ILDR2: variants seen among roughly 807,000 people sequenced by gnomAD.
ILDR2 encodes the protein immunoglobulin like domain containing receptor 2.
A neutral mutation model predicts 66.8 loss-of-function variants in ILDR2; 25 were observed. That is an observed-to-expected ratio of 0.37 (90% CI 0.27 to 0.52). The LOEUF (loss-of-function observed/expected upper bound fraction) is 0.52, where lower values mean the gene tolerates loss of function less well. ILDR2 is among the 20% of genes least tolerant of loss of function. The pLI, the probability that ILDR2 is intolerant of heterozygous loss-of-function variation, is 0.88. For missense variants in ILDR2, 827 were observed against 876.8 expected (o/e 0.94, Z 0.72); for synonymous variants, 367 against 357.2 (o/e 1.03, Z -0.31).
Position 166,975,206 on chromosome 1 carries a change from T to C in ILDR2, c.46+17A>G. On this transcript the variant is annotated intron_variant, in intron 1 of 9. Coordinates refer to ENST00000271417, the MANE Select transcript of ILDR2 (RefSeq NM_199351.3). ...GAATATACAAAGTTATTCGTTTCTGTTGAAAAGGACTCTTACCTGTTAGCC... is the reference window on the plus strand; with the variant it reads ...GAATATACAAAGTTATTCGTTTCTGCTGAAAAGGACTCTTACCTGTTAGCC... The C allele has an allele frequency of 6.2e-7, 1 of 1,601,706 alleles. No homozygotes were observed. Among genetic ancestry groups the C allele is most frequent in the Non-Finnish European group, 8.6e-7 (1 of 1,169,068 alleles).
intron 9 of ILDR2, 37 bp from the exon 10 acceptor site, chr1:166,919,427 A>T (rs749006481): frequency 2.2e-5 from 35 of 1,581,694 alleles, no homozygotes; most frequent in Non-Finnish European, 2.9e-5. Flanking sequence ...ATTAAGCCAC[A>T]TGCTAGTTAA....
chr1:166,935,228 T>C (rs1050491584), intron 6 of ILDR2, 73 bp downstream of exon 6: 26 of 1,453,316 alleles, frequency 1.8e-5, no homozygotes, highest in Middle Eastern at 1.8e-4. Flanking sequence ...CTGAACTGAC[T>C]GTTCTTAACA....
rs1351619889 is a variant in ILDR2, at chr1:166,914,946, G to T, written c.*4409C>A. On this transcript the variant is annotated 3_prime_UTR_variant, in exon 10 of 10. Transcript: ENST00000271417. ...AACTTTAGGTAAGACCAAAGTGGGAGTGCTATTGGCCAGTCATCCTTATGA... is the reference window on the plus strand; with the variant it reads ...AACTTTAGGTAAGACCAAAGTGGGATTGCTATTGGCCAGTCATCCTTATGA... The T allele has an allele frequency of 6.6e-6, 1 of 152,232 alleles. No homozygotes were observed. The highest frequency in any genetic ancestry group is 1.5e-5 in the Non-Finnish European group (1 of 68,046). The allele number at this position is 152,232 out of a possible 1,614,324, so 9.4% of individuals were successfully genotyped here.
intron 5 of ILDR2, among the ~76,000 whole-genome samples, chr1:166,935,826 C>T (rs1660941463): frequency 6.6e-6 from 1 of 152,194 alleles, no homozygotes; most frequent in South Asian, 2.1e-4. Flanking sequence ...CTGGAGGCAG[C>T]CTAGCACAGG....
At chr1:166,899,491 C>A (rs968719713) in intron 2 of ILDR2, among the ~76,000 whole-genome samples, 1 of 152,042 alleles carries the variant, frequency 6.6e-6, no homozygotes, top group Admixed American at 6.5e-5. Context: ...ACGTGCTAAC[C>A]AAATTCTTTG....
rs1366905456 is a variant in ILDR2, at chr1:166,921,944, CTTAGCCTCCCACAATTG to C, written c.1212-582_1212-566del. 6.6e-6 allele frequency among the ~76,000 whole-genome samples: 1 copy of C among 152,168 alleles called. No homozygotes were observed. The highest frequency in any genetic ancestry group is 1.5e-5 in the Non-Finnish European group (1 of 68,014). The stretch of plus-strand genomic sequence containing the variant: ...GTGCTATTTAGGGGGAATAGCAAAT[CTTAGCCTCCCACAATTG>C]TTGTGGGAGGCCACATCACCTGGGT... On this transcript the variant is annotated intron_variant, in intron 8 of 9. Transcript: ENST00000271417. This position sits in a 1 kb window ranked among gnomAD's most constrained non-coding sequence, Gnocchi z 5.3.
chr1:166,958,046 G>A lies in ILDR2; in HGVS notation c.102C>T (p.Leu34=), dbSNP rs1662386544. The change falls in exon 2 of 10, where the codon CTC becomes CTT. Residue 34 remains leucine, a synonymous_variant. Coordinates refer to ENST00000271417, the MANE Select transcript of ILDR2 (RefSeq NM_199351.3). ...GGCAGCGAAGCACAGTGGGCTGGAAGAGCATGGCCACCTTCTTCTTGTCGG... is the reference window on the plus strand; with the variant it reads ...GGCAGCGAAGCACAGTGGGCTGGAAAAGCATGGCCACCTTCTTCTTGTCGG... ...TVPDKKKVAM[L]FQPTVLRCHF... 6.2e-7 allele frequency: 1 copy of A among 1,613,650 alleles called. No individual in the cohort carries two copies.
Position 166,911,828 on chromosome 1 carries a change from T to C in ILDR2, c.*7527A>G, listed in dbSNP as rs1225413827. Reference sequence around the variant, plus strand: ...GCTGGAAGATAAACCTGAAGAAATTTACCTGAATAGGGAATAGAAAACACA... The same window carrying C: ...GCTGGAAGATAAACCTGAAGAAATTCACCTGAATAGGGAATAGAAAACACA... On this transcript the variant is annotated 3_prime_UTR_variant, in exon 10 of 10. Coordinates refer to ENST00000271417, the MANE Select transcript of ILDR2 (RefSeq NM_199351.3). The C allele has an allele frequency of 6.6e-6, 1 of 151,984 alleles. No homozygotes were observed. Among genetic ancestry groups the C allele is most frequent in the African/African-American group, 2.4e-5 (1 of 41,390 alleles). The allele number at this position is 151,984 out of a possible 1,614,324, so 9.4% of individuals were successfully genotyped here.
rs1660971442 is a variant in ILDR2 at position 166,936,250 on chromosome 1, TTCC to T, written c.703+338_703+340del. Among the ~76,000 whole-genome samples the T allele has an allele frequency of 6.6e-6, 1 of 152,140 alleles. No individual in the cohort carries two copies. Among genetic ancestry groups the T allele is most frequent in the South Asian group, 2.1e-4 (1 of 4,826 alleles). ...TGGGAAGGGAACGACCAGAGAAGGTTTCCTCTAGTTTGAATGCCCCAGGGAGAG... is the reference window on the plus strand; with the variant it reads ...TGGGAAGGGAACGACCAGAGAAGGTTTCTAGTTTGAATGCCCCAGGGAGAG... On this transcript the variant is annotated intron_variant, in intron 5 of 9. Coordinates refer to ENST00000271417, the MANE Select transcript of ILDR2 (RefSeq NM_199351.3). The surrounding 1 kb of genome is among the most constrained non-coding windows in gnomAD (Gnocchi z 5.0).
chr1:166,902,053 T>C (rs1165091743), intron 2 of ILDR2, among the ~76,000 whole-genome samples: 1 of 152,090 alleles, frequency 6.6e-6, no homozygotes, highest in Non-Finnish European at 1.5e-5. Context: ...AGATATGAGG[T>C]TTCTCCATGT....
intron 3 of ILDR2, 39 bp downstream of exon 3, chr1:166,956,694 T>A: frequency 6.2e-7 from 1 of 1,608,600 alleles, no homozygotes; most frequent in Non-Finnish European, 8.5e-7. Context: ...CAAGTGCAAG[T>A]GGTCTAAGAT....
chr1:166,909,455 T>C lies in ILDR2; in HGVS notation c.*9900A>G, dbSNP rs1446779328. The C allele has an allele frequency of 6.6e-6, 1 of 151,950 alleles. No homozygotes were observed. Among genetic ancestry groups the C allele is most frequent in the Non-Finnish European group, 1.5e-5 (1 of 68,014 alleles). 9.4% of individuals were successfully genotyped at this position (151,950 alleles called of 1,614,324 possible). ...AATAGATGAGCTCCATTTCTCCTTT[T>C]CTTGTTCTTAAGCTAGTCTGAGCTA... On this transcript the variant is annotated 3_prime_UTR_variant, in exon 10 of 10. Coordinates refer to ENST00000271417, the MANE Select transcript of ILDR2 (RefSeq NM_199351.3).
intron 3 of ILDR2, among the ~76,000 whole-genome samples, chr1:166,944,879 G>A (rs1370870364): frequency 6.6e-6 from 1 of 152,014 alleles, no homozygotes; most frequent in Non-Finnish European, 1.5e-5. Context: ...ACTTTTACGA[G>A]TGCCTCCACT....
chr1:166,968,124 C>T (rs1012886778), intron 1 of ILDR2, among the ~76,000 whole-genome samples: 4 of 152,168 alleles, frequency 2.6e-5, no homozygotes, highest in African/African-American at 9.7e-5. Context: ...TAAAATATTC[C>T]CTCTAGCCTT....
chr1:166,975,258 A>T lies in ILDR2; in HGVS notation c.11T>A (p.Val4Asp). ...GAAGAGAGAAATCCACCTCAGCAAG[A>T]CCCTATCCATCTTCCCCAACTTCCC... MDR[V>D]LLRWISLFWL... The change falls in exon 1 of 10, where the codon GTC (valine) becomes GAC (aspartate). Residue 4 changes from valine (V) to aspartate (D), a missense_variant. Around this residue, in one of 2 missense-constraint regions of ILDR2, gnomAD observed 437 missense variants for 523.2 expected, o/e 0.84. Transcript: ENST00000271417. The T allele has an allele frequency of 6.2e-7, 1 of 1,613,452 alleles. No homozygotes were observed. The highest frequency in any genetic ancestry group is 8.5e-7 in the Non-Finnish European group (1 of 1,179,586).
chr1:166,966,265 A>C (rs867687771), intron 1 of ILDR2, among the ~76,000 whole-genome samples: 19 of 152,260 alleles, frequency 1.2e-4, no homozygotes, highest in Middle Eastern at 3.4e-3. Flanking sequence ...CTTTCCAATA[A>C]AGTCCTTTCC....
At chr1:166,942,779 T>C (rs1191190799) in intron 3 of ILDR2, among the ~76,000 whole-genome samples, 2 of 152,234 alleles carry the variant, frequency 1.3e-5, no homozygotes, top group East Asian at 1.9e-4. Flanking sequence ...GAAACAATAG[T>C]ATTATGCACG....
At chr1:166,968,181 T>C (rs1427801264) in intron 1 of ILDR2, among the ~76,000 whole-genome samples, 1 of 152,214 alleles carries the variant, frequency 6.6e-6, no homozygotes, top group Non-Finnish European at 1.5e-5. Context: ...CCTTCCATTC[T>C]TCCTACAGTA....
rs867018776 is a variant in ILDR2 at position 166,909,756 on chromosome 1, T to A, written c.*9599A>T. 17 of 74,602 alleles carry A rather than the reference T, an allele frequency of 2.3e-4. No individual in the cohort carries two copies. The highest frequency in any genetic ancestry group is 1.6e-3 in the South Asian group (3 of 1,884). 4.6% of individuals were successfully genotyped at this position (74,602 alleles called of 1,614,324 possible). On this transcript the variant is annotated 3_prime_UTR_variant, in exon 10 of 10. Transcript: ENST00000271417. ...ACATACATATATATATATATATATA[T>A]ATAAATATATATAAATATATATATT...
Sources: gnomAD v4.1 joint callset for allele counts (sites outside exome capture counted in the v4.1 genomes callset) on GRCh38, gnomAD v4.1.1 for gene constraint, gnomAD v4.1.1 regional missense constraint, Gnocchi (gnomAD v3.1) non-coding constraint, MANE v1.5 for transcripts, NCBI Gene and HGNC (gene_info 2026-07-23, HGNC 2026-07-21) for gene names.